Variants in IPO5 observed in about 807,000 individuals in gnomAD.
IPO5 encodes importin-5.
Under a neutral mutation model 143.3 loss-of-function variants are expected in IPO5, and 18 were observed. That is an observed-to-expected ratio of 0.13 (90% CI 0.09 to 0.19). The LOEUF (loss-of-function observed/expected upper bound fraction) is 0.19, where lower values mean the gene tolerates loss of function less well. Among genes scored for constraint, IPO5 ranks in the 10% least tolerant of loss-of-function variants. IPO5 has a pLI of 1.00. For synonymous variants in IPO5, 477 were observed against 465.7 expected (o/e 1.02, Z -0.31); for missense variants, 1,013 against 1,336.9 (o/e 0.76, Z 3.78).
chr13:97,999,369 C>T (rs146395145), intron 12 of IPO5, among the ~76,000 whole-genome samples: 72 of 152,112 alleles, frequency 4.7e-4, no homozygotes, highest in African/African-American at 1.7e-3. Flanking sequence ...AAGAGAAGAC[C>T]AGGGCTAGGT....
intron 22 of IPO5, 128 bp downstream of exon 22, chr13:98,014,342 A>T (rs1296588732): frequency 1.6e-6 from 1 of 614,270 alleles, no homozygotes; most frequent in Middle Eastern, 4.2e-4. Flanking sequence ...CAGTGGCGCA[A>T]TCGCAGCTCA....
In IPO5 at chr13:98,006,226, G is replaced by A; in HGVS notation, c.1594G>A (p.Asp532Asn). 1.2e-6 allele frequency: 2 copies of A among 1,613,632 alleles called. No individual in the cohort carries two copies. Reference sequence around the variant, plus strand: ...AGAAGAAAAATTTGTCCCCTACTATGATTTATTTATGCCATCACTGAAGCA... The same window carrying A: ...AGAAGAAAAATTTGTCCCCTACTATAATTTATTTATGCCATCACTGAAGCA... ...TAEEKFVPYY[D>N]LFMPSLKHIV... Residue 532 changes from aspartate (D) to asparagine (N), a missense_variant, in exon 17 of 29, where the codon GAT becomes AAT. Coordinates refer to ENST00000651721, the MANE Select transcript of IPO5 (RefSeq NM_002271.6).
At chr13:97,967,564 C>T (rs1204093384) in intron 2 of IPO5, among the ~76,000 whole-genome samples, 1 of 152,110 alleles carries the variant, frequency 6.6e-6, no homozygotes, top group African/African-American at 2.4e-5. Context: ...ATGAGCATTG[C>T]TATCACTGCT....
At position 98,003,040 on chromosome 13, in the gene IPO5, A is replaced by G. The variant is rs1338987830; in HGVS notation, c.1497+3A>G. 1 of 1,600,070 alleles carries G rather than the reference A, an allele frequency of 6.2e-7. No individual in the cohort carries two copies. The highest frequency in any genetic ancestry group is 1.7e-5 in the Admixed American group (1 of 57,726). ...TTATGGTACTGAAGCTTCAAGAGGT[A>G]AGTTTTAAGATCTGTAGGCTGCTTT... On this transcript the variant is annotated splice_donor_region_variant and intron_variant, in intron 16 of 28. Transcript: ENST00000651721.
intron 5 of IPO5, among the ~76,000 whole-genome samples, chr13:97,983,963 T>C (rs12876261): frequency 1.7e-5 from 2 of 120,400 alleles, no homozygotes; most frequent in Non-Finnish European, 3.3e-5. Flanking sequence ...ATAGGGTAAC[T>C]TCTTTTTTTT....
In IPO5 at chr13:98,006,186, A is replaced by G. The variant is rs1566545798; in HGVS notation, c.1554A>G (p.Ser518=). 1 of 1,613,964 alleles carries G rather than the reference A, an allele frequency of 6.2e-7. No individual in the cohort carries two copies. Among genetic ancestry groups the G allele is most frequent in the Non-Finnish European group, 8.5e-7 (1 of 1,179,938 alleles). The stretch of plus-strand genomic sequence containing the variant: ...AACAAGTTGTGACATCCATTGCATC[A>G]GTTGCCGATACTGCAGAAGAAAAAT... ...VLEQVVTSIA[S]VADTAEEKFV... Residue 518 remains serine, a synonymous_variant, in exon 17 of 29, where the codon TCA becomes TCG. Transcript: ENST00000651721.
intron 11 of IPO5, among the ~76,000 whole-genome samples, chr13:97,995,278 G>A (rs1276499844): frequency 1.3e-5 from 2 of 151,288 alleles, no homozygotes; most frequent in Non-Finnish European, 2.9e-5. Context: ...TACGGGAGCA[G>A]TGTACACTGT....
intron 4 of IPO5, among the ~76,000 whole-genome samples, chr13:97,978,683 C>T (rs759376373): frequency 2.6e-5 from 4 of 152,104 alleles, no homozygotes. Flanking sequence ...CAAAGCAGAA[C>T]AGCATTGTAA....
intron 3 of IPO5, among the ~76,000 whole-genome samples, chr13:97,971,357 G>A (rs1022511492): frequency 9.9e-5 from 15 of 152,122 alleles, no homozygotes; most frequent in African/African-American, 3.6e-4. Context: ...TTCAGAGCAG[G>A]AACTTGAAAG....
At position 98,002,910 on chromosome 13, in the gene IPO5, G is replaced by T; in HGVS notation, c.1370G>T (p.Arg457Leu). The T allele has an allele frequency of 1.2e-6, 2 of 1,613,906 alleles. No homozygotes were observed. Among genetic ancestry groups the T allele is most frequent in the Non-Finnish European group, 1.7e-6 (2 of 1,179,880 alleles). Residue 457 changes from arginine (R) to leucine (L), a missense_variant, in exon 16 of 29, where the codon CGT becomes CTT. Coordinates refer to ENST00000651721, the MANE Select transcript of IPO5 (RefSeq NM_002271.6). ...ACCATGGAAGACCAAGGCAATCAAC[G>T]TGTGCAGGCCCATGCAGCTGCTGCC... ...LQTMEDQGNQRVQAHAAAALI... is the reference protein window; with the variant it reads ...LQTMEDQGNQLVQAHAAAALI...
chr13:97,967,821 C>A (rs527799991), intron 2 of IPO5, among the ~76,000 whole-genome samples: 1 of 152,062 alleles, frequency 6.6e-6, no homozygotes, highest in Admixed American at 6.6e-5. Flanking sequence ...TTAGCAGAGA[C>A]GGCGTTTCAC....
chr13:97,982,435 T>G lies in IPO5; in HGVS notation c.91-68T>G, dbSNP rs1303978450. On this transcript the variant is annotated intron_variant, in intron 4 of 28. Coordinates refer to ENST00000651721, the MANE Select transcript of IPO5 (RefSeq NM_002271.6). ...CTCATGCATCCTTCCCACTGTTTAT[T>G]TCTTTCACTGGTTTACTCATGAAGT... 12 of 1,046,224 alleles carry G rather than the reference T, an allele frequency of 1.1e-5. No homozygotes were observed. In the East Asian group the frequency reaches 1.2e-4, roughly 10 times the overall value. The allele number at this position is 1,046,224 out of a possible 1,614,324, so 64.8% of individuals were successfully genotyped here.
chr13:97,996,319 G>A (rs1013442105), intron 11 of IPO5, among the ~76,000 whole-genome samples: 1 of 152,094 alleles, frequency 6.6e-6, no homozygotes, highest in African/African-American at 2.4e-5. Flanking sequence ...CCGAAGTGCT[G>A]GGATAACAGG....
chr13:97,979,867 T>C, intron 4 of IPO5: 1 of 456,560 alleles, frequency 2.2e-6, no homozygotes, highest in Non-Finnish European at 4.4e-6. Flanking sequence ...CATTGAAAAA[T>C]ATACCTGATT....
chr13:97,991,497 T>C (rs1417774705), intron 9 of IPO5, among the ~76,000 whole-genome samples: 3 of 152,222 alleles, frequency 2.0e-5, no homozygotes, highest in South Asian at 2.1e-4. Context: ...GTGTCTCTTA[T>C]TCAGAATGCT....
chr13:98,007,994 T>C, intron 17 of IPO5, 65 bp from the exon 18 acceptor site: 2 of 971,176 alleles, frequency 2.1e-6, no homozygotes, highest in Non-Finnish European at 3.2e-6. Flanking sequence ...TTGGCAAAGC[T>C]TTGCTAATTA....
At chr13:97,975,026 CA>C (rs1886149452) in intron 3 of IPO5, among the ~76,000 whole-genome samples, 3 of 152,188 alleles carry the variant, frequency 2.0e-5, no homozygotes, top group Admixed American at 6.5e-5. Context: ...TTTTGACTTT[CA>C]AAGAGCAGAA....
rs1887261936 is a variant in IPO5, at chr13:97,985,510, T to C, written c.261T>C (p.Thr87=). The change falls in exon 6 of 29, where the codon ACT becomes ACC. Residue 87 remains threonine (T), a synonymous_variant. Transcript: ENST00000651721. ...CAGCACTTCCCTCTGATGTTCAGAC[T>C]GCCATCAAGAGTGAGCTACTCATGA... ...VYPALPSDVQ[T]AIKSELLMII... 6.2e-7 allele frequency: 1 copy of C among 1,613,544 alleles called. No homozygotes were observed. Among genetic ancestry groups the C allele is most frequent in the Non-Finnish European group, 8.5e-7 (1 of 1,179,586 alleles).
At position 97,980,476 on chromosome 13, in the gene IPO5, C is replaced by T. The variant is rs184081322; in HGVS notation, c.91-2027C>T. Among the ~76,000 whole-genome samples, 403 of 152,242 alleles carry T rather than the reference C, an allele frequency of 2.6e-3. 4 individuals are homozygous for T. The highest frequency in any genetic ancestry group is 9.2e-3 in the African/African-American group (383 of 41,544). Reference sequence around the variant, plus strand: ...AGCATAGTCACACCAACAGTTCCGCCTGGGCAAGAGTAGGGAGCCTCAGGA... The same window carrying T: ...AGCATAGTCACACCAACAGTTCCGCTTGGGCAAGAGTAGGGAGCCTCAGGA... On this transcript the variant is annotated intron_variant, in intron 4 of 28. Coordinates refer to ENST00000651721, the MANE Select transcript of IPO5 (RefSeq NM_002271.6).
Sources: gnomAD v4.1 joint callset for allele counts (sites outside exome capture counted in the v4.1 genomes callset) on GRCh38, gnomAD v4.1.1 for gene constraint, MANE v1.5 for transcripts, NCBI Gene and HGNC (gene_info 2026-07-23, HGNC 2026-07-21) for gene names.